CSMD3: variants seen among roughly 807,000 people sequenced by gnomAD.
CSMD3 encodes CUB and Sushi multiple domains 3.
In CSMD3, 177 loss-of-function variants were observed where a neutral mutation model predicts 435.2. That is an observed-to-expected ratio of 0.41 (90% CI 0.36 to 0.46). The LOEUF (loss-of-function observed/expected upper bound fraction) is 0.46, where lower values mean the gene tolerates loss of function less well. Ranked by LOEUF, CSMD3 falls within the 20% of genes least tolerant of loss-of-function variation. The probability of loss-of-function intolerance (pLI) is 0.34; values close to 1 mark genes in which losing one functional copy is unlikely to be tolerated. For missense variants in CSMD3, 4,265 were observed against 4,504.6 expected, an observed-to-expected ratio of 0.95 and a Z score of 1.52; for synonymous variants, 1,656 against 1,520.5, an observed-to-expected ratio of 1.09 and a Z score of -2.07.
At chr8:113,135,505 T>C (rs745894865) in intron 4 of CSMD3, among the ~76,000 whole-genome samples, 18 of 151,864 alleles carry the variant, frequency 1.2e-4, no homozygotes, top group Non-Finnish European at 1.9e-4. Context: ...AATATTTGAG[T>C]AGACTATAGT....
At chr8:113,137,155 T>C in intron 4 of CSMD3, among the ~76,000 whole-genome samples, 1 of 151,556 alleles carries the variant, frequency 6.6e-6, no homozygotes, top group Non-Finnish European at 1.5e-5. Context: ...ATGTTTAGAG[T>C]CCAAGTGTAT....
intron 53 of CSMD3, among the ~76,000 whole-genome samples, chr8:112,297,830 A>C (rs899617276): frequency 4.6e-5 from 7 of 152,108 alleles, no homozygotes; most frequent in African/African-American, 1.7e-4. Context: ...AATTTAGATA[A>C]ACAACTTTAG....
At chr8:112,518,607 GGT>G (rs35981644) in intron 27 of CSMD3, among the ~76,000 whole-genome samples, 40,551 of 144,122 alleles carry the variant, frequency 0.28, 5,765 homozygotes, top group African/African-American at 0.33. Context: ...TATAAAAAAT[GGT>G]GTGTGTGTGT....
chr8:113,142,852 T>C (rs1363451411), intron 4 of CSMD3, among the ~76,000 whole-genome samples: 1 of 131,290 alleles, frequency 7.6e-6, no homozygotes, highest in African/African-American at 3.1e-5. Context: ...CAAATTATCT[T>C]CTGAACTCCT....
intron 13 of CSMD3, among the ~76,000 whole-genome samples, chr8:112,723,116 A>T (rs968509978): frequency 1.3e-5 from 2 of 152,158 alleles, no homozygotes; most frequent in Middle Eastern, 3.2e-3. Context: ...TGAAAATCTT[A>T]AAATGTAATA....
intron 5 of CSMD3, among the ~76,000 whole-genome samples, chr8:113,037,953 T>C (rs2087431420): frequency 6.6e-6 from 1 of 152,170 alleles, no homozygotes; most frequent in African/African-American, 2.4e-5. Context: ...CCAAGGGTCA[T>C]GTATTTCCAT....
chr8:112,380,317 T>A (rs199663843), intron 38 of CSMD3, 35 bp downstream of exon 38: 1 of 1,135,488 alleles, frequency 8.8e-7, no homozygotes, highest in Non-Finnish European at 1.3e-6. Context: ...AACTTGTTCT[T>A]AACCTTTTTG....
chr8:113,183,078 C>T (rs1165099264), intron 3 of CSMD3, among the ~76,000 whole-genome samples: 4 of 151,980 alleles, frequency 2.6e-5, no homozygotes, highest in Non-Finnish European at 5.9e-5. Flanking sequence ...CACTTACTGC[C>T]CTGGCAGACC....
intron 36 of CSMD3, among the ~76,000 whole-genome samples, chr8:112,384,668 A>T (rs1829778772): frequency 6.6e-6 from 1 of 152,218 alleles, no homozygotes; most frequent in Admixed American, 6.5e-5. Context: ...GCCCATCATT[A>T]TTCTTCCATG....
chr8:112,351,056 T>C, intron 40 of CSMD3, 119 bp downstream of exon 40: 1 of 611,066 alleles, frequency 1.6e-6, no homozygotes, highest in Admixed American at 2.7e-5. Context: ...AACTATATGT[T>C]TGAAAATCAT....
chr8:112,764,163 T>A (rs970781296), intron 13 of CSMD3, among the ~76,000 whole-genome samples: 2 of 151,526 alleles, frequency 1.3e-5, no homozygotes, highest in Admixed American at 1.3e-4. Context: ...TGGGAAAAAA[T>A]GTCTTTTAGA....
intron 2 of CSMD3, chr8:113,309,770 T>A (rs939221767): frequency 4.6e-5 from 7 of 152,210 alleles, no homozygotes; most frequent in Admixed American, 4.6e-4. Flanking sequence ...GCTTTGGATA[T>A]TGTGATAGAT....
intron 32 of CSMD3, among the ~76,000 whole-genome samples, chr8:112,455,165 A>G (rs527579927): frequency 6.6e-5 from 10 of 152,344 alleles, no homozygotes; most frequent in Non-Finnish European, 1.3e-4. Flanking sequence ...TACTATTCAC[A>G]ACAGCAAAGA....
chr8:113,326,906 T>A (rs944289172), intron 1 of CSMD3, among the ~76,000 whole-genome samples: 1 of 152,092 alleles, frequency 6.6e-6, no homozygotes, highest in African/African-American at 2.4e-5. Flanking sequence ...AATCACTCAA[T>A]AAAAAGATGG....
At chr8:113,156,434 G>A (rs891172901) in intron 4 of CSMD3, among the ~76,000 whole-genome samples, 6 of 151,160 alleles carry the variant, frequency 4.0e-5, no homozygotes, top group Non-Finnish European at 7.4e-5. Flanking sequence ...TATTCTCTTC[G>A]TGATAATATG....
In CSMD3 at chr8:112,406,735, G is replaced by T. The variant is rs768618869; in HGVS notation, c.5606-8C>A. ...AACTTGTTCTAGGAACAGCTGTGTA[G>T]AAATATTATATTTATTTTAATTTTA... On this transcript the variant is annotated splice_polypyrimidine_tract_variant and splice_region_variant and intron_variant, in intron 34 of 70. Coordinates refer to ENST00000297405, the MANE Select transcript of CSMD3 (RefSeq NM_198123.2). 1.3e-6 allele frequency: 2 copies of T among 1,536,574 alleles called. No homozygotes were observed. The highest frequency in any genetic ancestry group is 1.7e-4 in the Middle Eastern group (1 of 5,808).
At chr8:113,209,948 CT>C (rs1192691434) in intron 3 of CSMD3, among the ~76,000 whole-genome samples, 1 of 150,910 alleles carries the variant, frequency 6.6e-6, no homozygotes, top group African/African-American at 2.4e-5. Context: ...TTTCTTTACC[CT>C]TTTAAAACAA....
intron 1 of CSMD3, among the ~76,000 whole-genome samples, chr8:113,379,109 T>C (rs2133096222): frequency 6.6e-6 from 1 of 152,262 alleles, no homozygotes; most frequent in South Asian, 2.1e-4. Context: ...AATAGTGGGT[T>C]AATGAAAAGG....
intron 1 of CSMD3, among the ~76,000 whole-genome samples, chr8:113,337,871 C>G (rs2094088874): frequency 6.6e-6 from 1 of 151,390 alleles, no homozygotes; most frequent in Non-Finnish European, 1.5e-5. Flanking sequence ...AAAATGATAA[C>G]TAAGGTAATG....
Sources: allele counts gnomAD v4.1 joint callset (sites outside exome capture counted in the v4.1 genomes callset), GRCh38; gene constraint gnomAD v4.1.1; transcripts MANE v1.5; gene names NCBI Gene and HGNC (gene_info 2026-07-23, HGNC 2026-07-21).